CFAP46: variants seen among roughly 807,000 people sequenced by gnomAD.
The protein encoded by CFAP46 is cilia and flagella associated protein 46, also known as cilia- and flagella-associated protein 46.
Under a neutral mutation model 325.7 loss-of-function variants are expected in CFAP46, and 245 were observed. The ratio of observed to expected loss-of-function variants is 0.75; its 90% CI spans 0.68 to 0.84. The LOEUF (loss-of-function observed/expected upper bound fraction) is 0.84. CFAP46 is among the 40% of genes least tolerant of loss of function. CFAP46 has a pLI of 0.00. For missense variants in CFAP46, 3,346 were observed against 3,543.0 expected (o/e 0.94, Z 1.41); for synonymous variants, 1,523 against 1,495.9 (o/e 1.02, Z -0.42).
rs1489087573 is a variant in CFAP46, at chr10:132,885,803, G to A, written c.3443+18C>T. 8.4e-5 allele frequency: 130 copies of A among 1,541,570 alleles called. No homozygotes were observed. Among genetic ancestry groups the A allele is most frequent in the Non-Finnish European group, 1.0e-4 (117 of 1,142,346 alleles). Reference sequence around the variant, plus strand: ...GGCGGTGGAGGGAGCACTCACAGGCGGTGGGGGGAGCACTCACAGGCGGTG... The same window carrying A: ...GGCGGTGGAGGGAGCACTCACAGGCAGTGGGGGGAGCACTCACAGGCGGTG... On this transcript the variant is annotated intron_variant, in intron 26 of 57. Coordinates refer to ENST00000368586, the MANE Select transcript of CFAP46 (RefSeq NM_001200049.3).
intron 29 of CFAP46, among the ~76,000 whole-genome samples, chr10:132,878,675 T>C (rs2135351421): frequency 6.6e-6 from 1 of 151,936 alleles, no homozygotes; most frequent in African/African-American, 2.4e-5. Flanking sequence ...GGTCTGGCAG[T>C]GGTTGAGGCT....
chr10:132,909,594 G>A (rs1849510070), intron 20 of CFAP46, among the ~76,000 whole-genome samples: 1 of 152,170 alleles, frequency 6.6e-6, no homozygotes, highest in South Asian at 2.1e-4. Context: ...CCTGGCTCCT[G>A]GCCAGGCTCC....
Position 132,916,663 on chromosome 10 carries a change from C to T in CFAP46, c.2006G>A (p.Arg669Gln), listed in dbSNP as rs1295843085. 1.3e-5 allele frequency: 20 copies of T among 1,490,496 alleles called. No individual in the cohort carries two copies. The highest frequency in any genetic ancestry group is 7.8e-5 in the South Asian group (6 of 76,602). The allele number at this position is 1,490,496 out of a possible 1,614,324, so 92.3% of individuals were successfully genotyped here. ...IHAEATVHLL[R>Q]SEGVELNDRA... is the part of the protein sequence containing the mutation. ...GTCATTCAGCTCTACACCTTCTGAC[C>T]GCAGCAAATGAACCGTGGCCTGCAA... is the stretch of plus-strand genomic sequence containing the variant. Residue 669 changes from arginine (R) to glutamine (Q), a missense_variant, in exon 17 of 58, where the codon CGG becomes CAG. By Grantham distance (43) the Arg-to-Gln change is conservative. Transcript: ENST00000368586.
rs78382849 is a variant in CFAP46, at chr10:132,851,660, G to A, written c.5575-355C>T. Among the ~76,000 whole-genome samples the A allele has an allele frequency of 1.2e-3, 188 of 152,324 alleles. 4 individuals are homozygous for A. The East Asian group carries it at 0.026, about 21-fold the overall frequency. On this transcript the variant is annotated intron_variant, in intron 39 of 57. Coordinates refer to ENST00000368586, the MANE Select transcript of CFAP46 (RefSeq NM_001200049.3). Reference sequence around the variant, plus strand: ...GTTCATTTTCCTCGGTAAAGTCACCGTGAGACTCCCCCACGCGGCTGCACG... The same window carrying A: ...GTTCATTTTCCTCGGTAAAGTCACCATGAGACTCCCCCACGCGGCTGCACG...
At position 132,929,806 on chromosome 10, in the gene CFAP46, T is replaced by G. The variant is rs867070252; in HGVS notation, c.867-2A>C. 1.2e-6 allele frequency: 2 copies of G among 1,605,728 alleles called. No individual in the cohort carries two copies. Among genetic ancestry groups the G allele is most frequent in the South Asian group, 1.1e-5 (1 of 90,856 alleles). On this transcript the variant is annotated splice_acceptor_variant, in intron 8 of 57. Transcript: ENST00000368586. LOFTEE classifies it high-confidence loss of function. Reference sequence around the variant, plus strand: ...GCCAATTCAAAAAGCAAAAGCATTCTGCAAACAAACAAACCAGCCAGCACC... The same window carrying G: ...GCCAATTCAAAAAGCAAAAGCATTCGGCAAACAAACAAACCAGCCAGCACC...
Position 132,808,526 on chromosome 10 carries a change from G to A in CFAP46, c.8043C>T (p.Cys2681=), listed in dbSNP as rs372744002. The change falls in exon 58 of 58, where the codon TGC becomes TGT. Residue 2681 remains cysteine, a synonymous_variant. Transcript: ENST00000368586. The surrounding 1 kb of genome is among the most constrained non-coding windows in gnomAD (Gnocchi z 6.8). ...CCTTGTCCTGGCCCCGGGAAGAGAC[G>A]CAGCTCCAGCCCCGACGCAGACCCC... is the stretch of plus-strand genomic sequence containing the variant. ...APWGLRRGWS[C]VSSRGQDKGG... 149 of 1,613,118 alleles carry A rather than the reference G, an allele frequency of 9.2e-5. No individual in the cohort carries two copies. The highest frequency in any genetic ancestry group is 8.9e-4 in the East Asian group (40 of 44,884).
intron 3 of CFAP46, 102 bp from the exon 4 acceptor site, chr10:132,941,162 CT>C (rs1220355241): frequency 9.7e-6 from 11 of 1,131,486 alleles, no homozygotes; most frequent in Non-Finnish European, 1.2e-5. Flanking sequence ...CTGGTACCCC[CT>C]GTGTGTCACC....
Position 132,940,980 on chromosome 10 carries a change from C to G in CFAP46, c.371+16G>C, listed in dbSNP as rs1850089096. The G allele has an allele frequency of 4.3e-6, 7 of 1,613,988 alleles. No individual in the cohort carries two copies. The highest frequency in any genetic ancestry group is 5.9e-6 in the Non-Finnish European group (7 of 1,179,830). On this transcript the variant is annotated intron_variant, in intron 4 of 57. Transcript: ENST00000368586. Reference sequence around the variant, plus strand: ...TCACCCAGTCAGTGAGAAACGGCCACTTCAATTTTGCCTACCTCGGTTCTC... The same window carrying G: ...TCACCCAGTCAGTGAGAAACGGCCAGTTCAATTTTGCCTACCTCGGTTCTC...
chr10:132,920,158 C>T lies in CFAP46; in HGVS notation c.1631G>A (p.Arg544Gln), dbSNP rs867561538. 64 of 1,546,370 alleles carry T rather than the reference C, an allele frequency of 4.1e-5. No homozygotes were observed. Among genetic ancestry groups the T allele is most frequent in the Admixed American group, 1.2e-4 (6 of 49,964 alleles). The part of the protein sequence containing the change: ...AKVSTGKNRG[R>Q]FTYLCAKAWH... ...CGCCTTCGCACAGAGGTAGGTGAAC[C>T]GGCCCCTGTTCTTCCCGGTGGAGAC... Residue 544 changes from arginine (R) to glutamine (Q), a missense_variant, in exon 14 of 58, where the codon CGG (arginine) becomes CAG (glutamine). Physicochemically the swap from Arg to Gln is conservative, Grantham distance 43. Transcript: ENST00000368586.
chr10:132,866,040 A>G lies in CFAP46; in HGVS notation c.4875T>C (p.Ala1625=), dbSNP rs747381192. The part of the protein sequence containing the change: ...YQPARLLLSE[A]YLAFQELDEP... ...GGCTCCTCACCTGGAAAGCCAGGTAAGCCTCCGACAGGAGCAGCCGTGCAG... is the reference window on the plus strand; with the variant it reads ...GGCTCCTCACCTGGAAAGCCAGGTAGGCCTCCGACAGGAGCAGCCGTGCAG... Residue 1625 remains alanine (A), a synonymous_variant, in exon 35 of 58, where the codon GCT becomes GCC. Transcript: ENST00000368586. The G allele has an allele frequency of 4.2e-5, 64 of 1,513,344 alleles. No individual in the cohort carries two copies. Among genetic ancestry groups the G allele is most frequent in the African/African-American group, 2.8e-5 (2 of 71,648 alleles). The allele number at this position is 1,513,344 out of a possible 1,614,324, so 93.7% of individuals were successfully genotyped here.
intron 50 of CFAP46, among the ~76,000 whole-genome samples, chr10:132,826,845 G>A (rs1263084355): frequency 6.6e-6 from 1 of 152,204 alleles, no homozygotes; most frequent in Admixed American, 6.5e-5. Context: ...AGGATTTTGG[G>A]GTGCTGATCT....
rs369187180 is a variant in CFAP46 at position 132,814,666 on chromosome 10, C to G, written c.7249+20G>C. On this transcript the variant is annotated intron_variant, in intron 52 of 57. Transcript: ENST00000368586. ...CACAGGGCGGGGTCTGGGGCCCCCC[C>G]GGGGCCCATCAAAGGATACACTTGA... 11 of 1,586,538 alleles carry G rather than the reference C, an allele frequency of 6.9e-6. No homozygotes were observed. The Admixed American group carries it at 1.3e-4, about 19-fold the overall frequency.
Position 132,820,461 on chromosome 10 carries a change from ACTGATGTGTGCTGTGAGTG to A in CFAP46, c.7118-5566_7118-5548del, listed in dbSNP as rs1470125728. 5.8e-3 allele frequency among the ~76,000 whole-genome samples: 881 copies of A among 151,062 alleles called. 8 individuals carry two copies. The highest frequency in any genetic ancestry group is 0.02 in the African/African-American group (812 of 40,926). On this transcript the variant is annotated intron_variant, in intron 50 of 57. Transcript: ENST00000368586. Reference sequence around the variant, plus strand: ...CAGCGCTGATGTGTGCTGTGTGAGCACTGATGTGTGCTGTGAGTGCTGATGTGTGCTGAGTGCTGATGTG... The same window carrying A: ...CAGCGCTGATGTGTGCTGTGTGAGCACTGATGTGTGCTGAGTGCTGATGTG...
intron 50 of CFAP46, among the ~76,000 whole-genome samples, chr10:132,831,500 T>C (rs2134981114): frequency 6.6e-6 from 1 of 152,328 alleles, no homozygotes; most frequent in Admixed American, 6.5e-5. Flanking sequence ...TGGCCCACTG[T>C]AGCCCTGGTC....
chr10:132,863,069 C>T (rs1486017247), intron 35 of CFAP46, among the ~76,000 whole-genome samples: 2 of 152,282 alleles, frequency 1.3e-5, no homozygotes, highest in East Asian at 1.9e-4. Flanking sequence ...GGCGAACCCA[C>T]GTTCGCGGGA....
chr10:132,892,290 C>G, intron 25 of CFAP46, 43 bp downstream of exon 25: 1 of 1,534,160 alleles, frequency 6.5e-7, no homozygotes, highest in Admixed American at 2.0e-5. Flanking sequence ...CCTTCCCTTT[C>G]CTTGTACCTG....
chr10:132,838,677 A>T (rs1305646687), intron 44 of CFAP46, among the ~76,000 whole-genome samples: 1 of 152,254 alleles, frequency 6.6e-6, no homozygotes, highest in East Asian at 1.9e-4. Flanking sequence ...GCTTCCCGTC[A>T]ATGGGGGTCA....
At chr10:132,881,330 C>CA (rs1173056421) in intron 27 of CFAP46, among the ~76,000 whole-genome samples, 1 of 152,188 alleles carries the variant, frequency 6.6e-6, no homozygotes, top group Non-Finnish European at 1.5e-5. Context: ...GGTCCCCAGA[C>CA]ATTCCCTGCA....
At chr10:132,818,303 A>G (rs1263320197) in intron 50 of CFAP46, among the ~76,000 whole-genome samples, 2 of 151,624 alleles carry the variant, frequency 1.3e-5, no homozygotes, top group Non-Finnish European at 2.9e-5. Context: ...CACAGAGTCC[A>G]TCTCGGATGG....
Sources: allele counts gnomAD v4.1 joint callset (sites outside exome capture counted in the v4.1 genomes callset), GRCh38; gene constraint gnomAD v4.1.1; non-coding constraint Gnocchi (gnomAD v3.1); transcripts MANE v1.5; gene names NCBI Gene and HGNC (gene_info 2026-07-23, HGNC 2026-07-21).